COL5A2: variants seen among roughly 807,000 people sequenced by gnomAD.
COL5A2 encodes collagen type V alpha 2 chain, also known as collagen alpha-2(V) chain.
Under a neutral mutation model 208.2 loss-of-function variants are expected in COL5A2, and 23 were observed. The observed-to-expected ratio is 0.11, with a 90% CI of 0.08 to 0.16. COL5A2 has a LOEUF of 0.16. COL5A2 is among the 10% of genes least tolerant of loss of function. COL5A2 has a pLI of 1.00. For missense variants in COL5A2, 1,590 were observed against 1,956.4 expected (o/e 0.81, Z 3.53); for synonymous variants, 625 against 628.5 (o/e 0.99, Z 0.08).
At chr2:189,056,368 C>T (rs1426736657) in intron 35 of COL5A2, among the ~76,000 whole-genome samples, 3 of 152,144 alleles carry the variant, frequency 2.0e-5, no homozygotes, top group African/African-American at 7.2e-5. Flanking sequence ...ATATATTGTC[C>T]TTCGAGTCTG....
At chr2:189,211,057 T>G (rs1021951374) in intron 1 of COL5A2, among the ~76,000 whole-genome samples, 3 of 152,216 alleles carry the variant, frequency 2.0e-5, no homozygotes, top group East Asian at 3.8e-4. Flanking sequence ...TACTGCAGAC[T>G]TCAGGCAGTT....
chr2:189,258,825 G>A, the COL5A2 span, among the ~76,000 whole-genome samples: 36 of 152,208 alleles, frequency 2.4e-4, no homozygotes, highest in African/African-American at 7.9e-4. Flanking sequence ...CAGGAGAACC[G>A]GGTGCCAACT....
chr2:189,110,286 C>T lies in COL5A2; in HGVS notation c.261G>A (p.Thr87=), dbSNP rs142044596. The T allele has an allele frequency of 1.1e-3, 1,742 of 1,614,110 alleles. 18 individuals are homozygous for T. The highest frequency in any genetic ancestry group is 2.3e-3 in the Middle Eastern group (14 of 6,060). The part of the protein sequence containing the change: ...QDVLDCADPV[T]PPGECCPVCS... ...AGACAGGACAGCATTCCCCAGGGGGCGTTACAGGGTCGGCACAGTCCAGCA... is the reference window on the plus strand; with the variant it reads ...AGACAGGACAGCATTCCCCAGGGGGTGTTACAGGGTCGGCACAGTCCAGCA... The change falls in exon 2 of 54, where the codon ACG becomes ACA. Residue 87 remains threonine (T), a synonymous_variant. Coordinates refer to ENST00000374866, the MANE Select transcript of COL5A2 (RefSeq NM_000393.5).
intron 1 of COL5A2, among the ~76,000 whole-genome samples, chr2:189,224,192 A>G (rs1427393379): frequency 6.6e-6 from 1 of 152,120 alleles, no homozygotes; most frequent in Non-Finnish European, 1.5e-5. Flanking sequence ...TTCTTCTCCA[A>G]TGAGCAAAAT....
chr2:189,179,069 CAAAG>C (rs1688735476), intron 1 of COL5A2, among the ~76,000 whole-genome samples: 1 of 152,110 alleles, frequency 6.6e-6, no homozygotes, highest in African/African-American at 2.4e-5. Flanking sequence ...TTTTACTAAA[CAAAG>C]AATTTTATGA....
intron 1 of COL5A2, among the ~76,000 whole-genome samples, chr2:189,116,386 C>G (rs1244730984): frequency 1.3e-5 from 2 of 152,084 alleles, no homozygotes; most frequent in African/African-American, 2.4e-5. Context: ...AAGGGAAAGA[C>G]GAAGAGGGAC....
rs1427994194 is a variant in COL5A2 at position 189,051,473 on chromosome 2, T to C, written c.2778A>G (p.Pro926=). 6.2e-7 allele frequency: 1 copy of C among 1,606,790 alleles called. No individual in the cohort carries two copies. Reference sequence around the variant, plus strand: ...GTTCCCCTAGGGGTCCCGCAGGTCCTGGAGCTCCCTAGTATAACAAAGAAA... The same window carrying C: ...GTTCCCCTAGGGGTCCCGCAGGTCCCGGAGCTCCCTAGTATAACAAAGAAA... ...RVGPPGPAGA[P]GPAGPLGEPG... is the part of the protein sequence containing the mutation. Residue 926 remains proline (P), a synonymous_variant, in exon 42 of 54, where the codon CCA becomes CCG. Coordinates refer to ENST00000374866, the MANE Select transcript of COL5A2 (RefSeq NM_000393.5).
the COL5A2 span, among the ~76,000 whole-genome samples, chr2:189,249,461 T>C: frequency 7.2e-5 from 11 of 152,200 alleles, no homozygotes; most frequent in African/African-American, 2.7e-4. Context: ...TCAAAAATAA[T>C]TTAGAAGTCA....
At chr2:189,300,849 G>T in the COL5A2 span, among the ~76,000 whole-genome samples, 1 of 152,206 alleles carries the variant, frequency 6.6e-6, no homozygotes, top group Non-Finnish European at 1.5e-5. Flanking sequence ...AAAGGAAAAT[G>T]ATCATGTGTT....
At chr2:189,433,817 C>A in the COL5A2 span, among the ~76,000 whole-genome samples, 1 of 152,198 alleles carries the variant, frequency 6.6e-6, no homozygotes, top group South Asian at 2.1e-4. Flanking sequence ...AGAGAATCCT[C>A]CCTAACTCAT....
chr2:189,411,801 C>CT, the COL5A2 span, among the ~76,000 whole-genome samples: 2 of 151,972 alleles, frequency 1.3e-5, no homozygotes, highest in African/African-American at 4.8e-5. Flanking sequence ...TTAAACAAAA[C>CT]TTGGCATTTA....
At chr2:189,332,924 T>A in the COL5A2 span, among the ~76,000 whole-genome samples, 62 of 152,130 alleles carry the variant, frequency 4.1e-4, no homozygotes, top group Non-Finnish European at 6.2e-4. Flanking sequence ...AATGTAAAAA[T>A]CCTCAAATAT....
At chr2:189,120,339 A>G (rs1014523621) in intron 1 of COL5A2, among the ~76,000 whole-genome samples, 1 of 152,096 alleles carries the variant, frequency 6.6e-6, no homozygotes, top group Admixed American at 6.5e-5. Flanking sequence ...CATTTCTCTA[A>G]CCTATATGTA....
the COL5A2 span, among the ~76,000 whole-genome samples, chr2:189,417,491 A>G: frequency 6.6e-6 from 1 of 151,822 alleles, no homozygotes; most frequent in Admixed American, 6.6e-5. Context: ...TTTCTATATA[A>G]ATTTCCAGAT....
chr2:189,212,424 G>A (rs1689225213), intron 1 of COL5A2, among the ~76,000 whole-genome samples: 2 of 151,984 alleles, frequency 1.3e-5, no homozygotes, highest in Admixed American at 6.6e-5. Flanking sequence ...GATCAACTGA[G>A]GTCAGGAGTT....
chr2:189,136,000 C>T (rs1469360910), intron 1 of COL5A2, among the ~76,000 whole-genome samples: 1 of 152,110 alleles, frequency 6.6e-6, no homozygotes, highest in Non-Finnish European at 1.5e-5. Context: ...AAGAGGTCCA[C>T]CAGTCACATT....
At chr2:189,336,209 G>A in the COL5A2 span, among the ~76,000 whole-genome samples, 1 of 152,202 alleles carries the variant, frequency 6.6e-6, no homozygotes, top group South Asian at 2.1e-4. Context: ...AATCTCACTA[G>A]AGTAGTTGAA....
chr2:189,162,860 A>G (rs1428512881), intron 1 of COL5A2, among the ~76,000 whole-genome samples: 2 of 152,096 alleles, frequency 1.3e-5, no homozygotes, highest in African/African-American at 4.8e-5. Flanking sequence ...GAAATGGGGG[A>G]ACAAACACAA....
At chr2:189,317,929 C>A in the COL5A2 span, among the ~76,000 whole-genome samples, 1 of 152,230 alleles carries the variant, frequency 6.6e-6, no homozygotes, top group South Asian at 2.1e-4. Context: ...TAAATGTGAT[C>A]ATAATTTTAA....
Sources: allele counts gnomAD v4.1 joint callset (sites outside exome capture counted in the v4.1 genomes callset), GRCh38; gene constraint gnomAD v4.1.1; transcripts MANE v1.5; gene names NCBI Gene and HGNC (gene_info 2026-07-23, HGNC 2026-07-21).